MORN1: variants seen among roughly 807,000 people sequenced by gnomAD.
The protein encoded by MORN1 is MORN repeat containing 1, also known as MORN repeat-containing protein 1.
In MORN1, 67 loss-of-function variants were observed where a neutral mutation model predicts 61.9. That is an observed-to-expected ratio of 1.08 (90% CI 0.89 to 1.33). The LOEUF (loss-of-function observed/expected upper bound fraction) is 1.33. MORN1 is among the 40% of genes most tolerant of loss of function. The probability of loss-of-function intolerance (pLI) is 0.00; values close to 1 mark genes in which losing one functional copy is unlikely to be tolerated. For missense variants in MORN1, 752 were observed against 691.2 expected (o/e 1.09, Z -0.99); for synonymous variants, 301 against 292.0 (o/e 1.03, Z -0.31).
intron 6 of MORN1, among the ~76,000 whole-genome samples, chr1:2,381,754 C>T (rs1005663236): frequency 6.6e-6 from 1 of 152,172 alleles, no homozygotes; most frequent in Non-Finnish European, 1.5e-5. Flanking sequence ...CGCTTGGGGG[C>T]CCGGCTCTCA....
At chr1:2,322,985 C>T in intron 13 of MORN1, 1 of 985,464 alleles carries the variant, frequency 1.0e-6, no homozygotes, top group South Asian at 4.7e-5. Context: ...GGCTTAGCCC[C>T]AAGTGGCCCC....
Position 2,373,955 on chromosome 1 carries a change from G to A in MORN1, c.634+506C>T, listed in dbSNP as rs150343680. Among the ~76,000 whole-genome samples the A allele has an allele frequency of 6.1e-3, 929 of 152,354 alleles. 13 individuals are homozygous for A. The highest frequency in any genetic ancestry group is 0.021 in the African/African-American group (879 of 41,576). On this transcript the variant is annotated intron_variant, in intron 7 of 13. Transcript: ENST00000378531. ...TGCTGGCGGCACCTGCACCTGTGTC[G>A]TGAACTTGGCCCCGAGGTTTGGATG...
At chr1:2,384,582 G>A (rs527952804) in intron 6 of MORN1, among the ~76,000 whole-genome samples, 1 of 152,324 alleles carries the variant, frequency 6.6e-6, no homozygotes, top group Non-Finnish European at 1.5e-5. Context: ...GCCCCAGATC[G>A]CCGAGGCGCA....
intron 7 of MORN1, 61 bp downstream of exon 7, chr1:2,374,400 G>C: frequency 4.1e-6 from 6 of 1,454,304 alleles, no homozygotes; most frequent in Non-Finnish European, 5.7e-6. Flanking sequence ...GGCTGCCCGG[G>C]GGCCAGGGAC....
chr1:2,333,692 C>T (rs1641208480), intron 12 of MORN1, among the ~76,000 whole-genome samples: 1 of 152,220 alleles, frequency 6.6e-6, no homozygotes, highest in Non-Finnish European at 1.5e-5. Flanking sequence ...ACAAGCATGT[C>T]TGTCGGAAGC....
chr1:2,385,800 T>C lies in MORN1; in HGVS notation c.449+7A>G, dbSNP rs565815848. The C allele has an allele frequency of 9.9e-6, 16 of 1,612,790 alleles. No individual in the cohort carries two copies. The East Asian group carries it at 2.7e-4, about 27-fold the overall frequency. On this transcript the variant is annotated splice_region_variant and intron_variant, in intron 5 of 13. Transcript: ENST00000378531. ...CGCCAGGCAGTACCCACAAGACTCA[T>C]ACTCACTGAAAGAGCATCTGCCCAG...
chr1:2,390,861 G>A (rs943019043), intron 1 of MORN1: 1 of 542,764 alleles, frequency 1.8e-6, no homozygotes, highest in African/African-American at 2.1e-5. Flanking sequence ...CGATTCTCCT[G>A]CCTCAGCCTC....
rs1049009361 is a variant in MORN1, at chr1:2,336,907, A to C, written c.1037-57T>G. On this transcript the variant is annotated intron_variant, in intron 10 of 13. Transcript: ENST00000378531. ...AGGGGCTCAGGGCGGAGACGGAGGG[A>C]GCCCCACAGGGCTGTGCTGAAGTGT... The C allele has an allele frequency of 2.0e-6, 3 of 1,477,628 alleles. No individual in the cohort carries two copies. The Admixed American group carries it at 7.4e-5, about 37-fold the overall frequency. The allele number at this position is 1,477,628 out of a possible 1,614,324, so 91.5% of individuals were successfully genotyped here.
intron 10 of MORN1, among the ~76,000 whole-genome samples, chr1:2,347,032 G>C (rs944959256): frequency 1.3e-5 from 2 of 152,168 alleles, no homozygotes; most frequent in Non-Finnish European, 2.9e-5. Flanking sequence ...GAGCTTCTTG[G>C]GACATGGGGA....
chr1:2,369,718 TAATAA>T (rs1642074781), intron 8 of MORN1, among the ~76,000 whole-genome samples: 1 of 104,794 alleles, frequency 9.5e-6, no homozygotes, highest in South Asian at 4.5e-4. Context: ...TAGAAATAAT[TAATAA>T]AATAATTATA....
At chr1:2,322,161 T>C (rs1311459128) in intron 13 of MORN1, 6 of 985,248 alleles carry the variant, frequency 6.1e-6, no homozygotes, top group Non-Finnish European at 7.2e-6. Context: ...AAAGTACTTT[T>C]CCTTTCACAG....
At chr1:2,340,970 C>G (rs539768412) in intron 10 of MORN1, among the ~76,000 whole-genome samples, 2 of 152,254 alleles carry the variant, frequency 1.3e-5, no homozygotes, top group Admixed American at 1.3e-4. Context: ...ATACCAGCCA[C>G]GAGACCACGA....
rs763059570 is a variant in MORN1, at chr1:2,336,717, CT to C, written c.1169del (p.Lys390ArgfsTer43). 1 of 1,563,540 alleles carries C rather than the reference CT, an allele frequency of 6.4e-7. No homozygotes were observed. The highest frequency in any genetic ancestry group is 8.7e-7 in the Non-Finnish European group (1 of 1,155,316). ...CTCCCCGCCCCCCGTGGGCACCCAC[CT>C]TGTGGAGGCTGTCCAGGAACAGGAA... Reference protein sequence around the residue: ...HPFLFLDSLHKKAGGRSRGGL... With the variant: ...HPFLFLDSLHXKAGGRSRGGL... On this transcript the variant is annotated frameshift_variant and splice_region_variant, in exon 11 of 14. Transcript: ENST00000378531. LOFTEE classifies it high-confidence loss of function.
At chr1:2,351,874 C>G (rs2843130) in intron 10 of MORN1, 89,348 of 500,584 alleles carry the variant, frequency 0.18, 10,135 homozygotes, top group Admixed American at 0.38. Context: ...GCCGTTCCCC[C>G]AGATCCAATG....
chr1:2,323,689 C>A (rs1400835001), intron 13 of MORN1: 3 of 985,134 alleles, frequency 3.0e-6, no homozygotes, highest in Admixed American at 6.2e-5. Flanking sequence ...TTCCGCCCAG[C>A]CCAGGCCCAC....
At position 2,357,799 on chromosome 1, in the gene MORN1, A is replaced by G. The variant is rs1011911175; in HGVS notation, c.870-201T>C. ...AAAAAAGACTCGCCAGGGAGAAGAC[A>G]GCAGGTCTTGGCTTGAAGGAAGAGC... On this transcript the variant is annotated intron_variant, in intron 9 of 13. Coordinates refer to ENST00000378531, the MANE Select transcript of MORN1 (RefSeq NM_024848.3). This position sits in a 1 kb window ranked among gnomAD's most constrained non-coding sequence, Gnocchi z 6.3. Among the ~76,000 whole-genome samples, 4 of 152,184 alleles carry G rather than the reference A, an allele frequency of 2.6e-5. No homozygotes were observed. The highest frequency in any genetic ancestry group is 9.7e-5 in the African/African-American group (4 of 41,450).
chr1:2,387,495 C>A lies in MORN1; in HGVS notation c.282G>T (p.Glu94Asp), dbSNP rs1642532920. ...DTFSGQFVLG[E>D]PQGYGVMEYK... ...ACTCCATGACGCCGTAGCCTTGAGG[C>A]TCTCCCAGAACAAACTGTCCAGAGA... Residue 94 changes from glutamate (E) to aspartate (D), a missense_variant, in exon 4 of 14, where the codon GAG (glutamate) becomes GAT (aspartate). Transcript: ENST00000378531. The A allele has an allele frequency of 1.2e-6, 2 of 1,613,218 alleles. No individual in the cohort carries two copies. The highest frequency in any genetic ancestry group is 1.3e-5 in the African/African-American group (1 of 74,950).
In MORN1 at chr1:2,323,257, G is replaced by A. The variant is rs553175966; in HGVS notation, c.1297+840C>T. The stretch of plus-strand genomic sequence containing the variant: ...ACTGGCTACAGCCCCGGCCACACGG[G>A]TGCCGTCCCCACGACCAGGGTGGCT... On this transcript the variant is annotated intron_variant, in intron 13 of 13. Coordinates refer to ENST00000378531, the MANE Select transcript of MORN1 (RefSeq NM_024848.3). The A allele has an allele frequency of 2.9e-4, 281 of 985,392 alleles. No individual in the cohort carries two copies. In the African/African-American group the frequency reaches 4.2e-3, roughly 15 times the overall value. The allele number at this position is 985,392 out of a possible 1,614,324, so 61.0% of individuals were successfully genotyped here. A position where few individuals can be genotyped will look rare whatever the true frequency, so the allele number is the denominator to read the frequency against.
chr1:2,335,832 C>CCAGCCCAGCCCAGCGCG (rs1641259139), intron 12 of MORN1, among the ~76,000 whole-genome samples: 1 of 144,170 alleles, frequency 6.9e-6, no homozygotes, highest in African/African-American at 2.9e-5. Flanking sequence ...CCTCCATAGC[C>CCAGCCCAGCCCAGCGCG]CAGCCCAGCC....
Sources: allele counts gnomAD v4.1 joint callset (sites outside exome capture counted in the v4.1 genomes callset), GRCh38; gene constraint gnomAD v4.1.1; non-coding constraint Gnocchi (gnomAD v3.1); transcripts MANE v1.5; gene names NCBI Gene and HGNC (gene_info 2026-07-23, HGNC 2026-07-21).